Variants in GRB10 observed in about 807,000 individuals in gnomAD.
The protein encoded by GRB10 is growth factor receptor bound protein 10, also known as growth factor receptor-bound protein 10.
Under a neutral mutation model 80.9 loss-of-function variants are expected in GRB10, and 20 were observed. The observed-to-expected ratio is 0.25, with a 90% CI of 0.17 to 0.36. The LOEUF is 0.36. GRB10 is among the 10% of genes least tolerant of loss of function. GRB10 has a pLI of 1.00. For missense variants in GRB10, 548 were observed against 747.7 expected (o/e 0.73, Z 3.12); for synonymous variants, 291 against 291.5 (o/e 1.00, Z 0.02).
intron 4 of GRB10, among the ~76,000 whole-genome samples, chr7:50,726,388 ACT>A (rs543686284): frequency 1.2e-3 from 181 of 152,060 alleles, no homozygotes; most frequent in Non-Finnish European, 2.2e-3. Context: ...ACAGAGTGAG[ACT>A]CTGTCTCAAA....
intron 4 of GRB10, chr7:50,705,325 T>C (rs374020021): frequency 3.0e-6 from 3 of 984,576 alleles, no homozygotes. Flanking sequence ...CCAGAATATC[T>C]GGAGAAAACA....
chr7:50,677,165 A>G (rs1238890462), intron 5 of GRB10, among the ~76,000 whole-genome samples: 1 of 152,156 alleles, frequency 6.6e-6, no homozygotes, highest in African/African-American at 2.4e-5. Context: ...AAGAAGAGAG[A>G]TGTTGCCATG....
intron 2 of GRB10, among the ~76,000 whole-genome samples, chr7:50,757,306 T>C (rs919088684): frequency 1.2e-4 from 18 of 152,238 alleles, no homozygotes; most frequent in African/African-American, 4.3e-4. Context: ...TAGGATTAAA[T>C]GAGCTAATGC....
intron 5 of GRB10, among the ~76,000 whole-genome samples, chr7:50,676,308 T>C (rs952387581): frequency 1.4e-4 from 19 of 133,762 alleles, no homozygotes; most frequent in Admixed American, 1.2e-3. Flanking sequence ...AACTCTAACA[T>C]GAGCTTAGCA....
At chr7:50,609,674 G>A (rs1035496190) in intron 13 of GRB10, among the ~76,000 whole-genome samples, 1 of 152,170 alleles carries the variant, frequency 6.6e-6, no homozygotes, top group Non-Finnish European at 1.5e-5. Flanking sequence ...CCTCCCTCTT[G>A]GGGATGAGTT....
rs537527591 is a variant in GRB10 at position 50,605,521 on chromosome 7, T to C, written c.1273-115A>G. 6.0e-5 allele frequency: 53 copies of C among 879,204 alleles called. No homozygotes were observed. The South Asian group carries it at 6.2e-4, about 10-fold the overall frequency. The allele number at this position is 879,204 out of a possible 1,614,324, so 54.5% of individuals were successfully genotyped here. A position where few individuals can be genotyped will look rare whatever the true frequency, so the allele number is the denominator to read the frequency against. On this transcript the variant is annotated intron_variant, in intron 14 of 18. Coordinates refer to ENST00000401949, the MANE Select transcript of GRB10 (RefSeq NM_001350814.2). The stretch of plus-strand genomic sequence containing the variant: ...AGGGGAGCAGGGAATGCCTGCTTTC[T>C]ACCTCTGAACTCCCCAAGTTTCAGG...
chr7:50,629,332 C>T (rs537507341), intron 7 of GRB10, among the ~76,000 whole-genome samples: 9 of 152,272 alleles, frequency 5.9e-5, no homozygotes, highest in African/African-American at 1.9e-4. Context: ...CAGCCATCCC[C>T]CCAAAGGTCT....
At chr7:50,679,316 T>C (rs2061306598) in intron 5 of GRB10, among the ~76,000 whole-genome samples, 1 of 152,174 alleles carries the variant, frequency 6.6e-6, no homozygotes, top group African/African-American at 2.4e-5. Flanking sequence ...CACGAGTAAA[T>C]GTCTTCCATG....
In GRB10 at chr7:50,792,704, C is replaced by A. The variant is rs1160488621; in HGVS notation, c.-294+520G>T. On this transcript the variant is annotated intron_variant, in intron 1 of 16. Transcript: ENST00000335866. ...CGGCTCGGGATTTGGGAGTGTCTGG[C>A]ACCACTGTCCCGGACGCCCGGACGC... 7 of 368,108 alleles carry A rather than the reference C, an allele frequency of 1.9e-5. No individual in the cohort carries two copies. In the East Asian group the frequency reaches 2.7e-4, roughly 14 times the overall value. 22.8% of individuals were successfully genotyped at this position (368,108 alleles called of 1,614,324 possible). A position where few individuals can be genotyped will look rare whatever the true frequency, so the allele number is the denominator to read the frequency against.
chr7:50,592,718 C>G lies in GRB10; in HGVS notation c.*234G>C. The G allele has an allele frequency of 1.8e-6, 1 of 570,126 alleles. No homozygotes were observed. The highest frequency in any genetic ancestry group is 3.2e-6 in the Non-Finnish European group (1 of 316,802). The allele number at this position is 570,126 out of a possible 1,614,324, so 35.3% of individuals were successfully genotyped here. Reference sequence around the variant, plus strand: ...ATTTTCAACTTTCCGCTGGATCTTCCATGCCCTCCCCAATTTGGCCGATGC... The same window carrying G: ...ATTTTCAACTTTCCGCTGGATCTTCGATGCCCTCCCCAATTTGGCCGATGC... On this transcript the variant is annotated 3_prime_UTR_variant, in exon 19 of 19. Transcript: ENST00000401949.
At chr7:50,639,647 T>G (rs1183689169) in intron 7 of GRB10, among the ~76,000 whole-genome samples, 3 of 151,062 alleles carry the variant, frequency 2.0e-5, no homozygotes, top group African/African-American at 7.3e-5. Context: ...CACTCCAGCT[T>G]GGGCGACCAG....
chr7:50,790,643 T>C (rs759562295), intron 1 of GRB10, among the ~76,000 whole-genome samples: 3 of 152,244 alleles, frequency 2.0e-5, no homozygotes, highest in Admixed American at 6.5e-5. Flanking sequence ...TAACCCTAGA[T>C]ACAAGCTCAA....
chr7:50,674,890 T>G (rs747681225), intron 5 of GRB10, among the ~76,000 whole-genome samples: 1 of 152,226 alleles, frequency 6.6e-6, no homozygotes, highest in Non-Finnish European at 1.5e-5. Context: ...CTGGGCTGCA[T>G]TTCTACCTGT....
chr7:50,599,589 C>T (rs1031487493), intron 17 of GRB10, among the ~76,000 whole-genome samples: 2 of 152,198 alleles, frequency 1.3e-5, no homozygotes, highest in African/African-American at 4.8e-5. Flanking sequence ...AAATGACAGC[C>T]TTGGAGACGA....
In GRB10 at chr7:50,616,854, T is replaced by C. The variant is rs1424043511; in HGVS notation, c.847-507A>G. 3.3e-5 allele frequency among the ~76,000 whole-genome samples: 5 copies of C among 152,230 alleles called. No homozygotes were observed. The East Asian group carries it at 9.6e-4, about 29-fold the overall frequency. On this transcript the variant is annotated intron_variant, in intron 10 of 18. Coordinates refer to ENST00000401949, the MANE Select transcript of GRB10 (RefSeq NM_001350814.2). Reference sequence around the variant, plus strand: ...CAGGCAGCCTTAAGAATAAAGGCTTTATCAAAACAAAACAAAACAAGAAAC... The same window carrying C: ...CAGGCAGCCTTAAGAATAAAGGCTTCATCAAAACAAAACAAAACAAGAAAC...
chr7:50,746,357 G>A (rs544716470), intron 3 of GRB10, among the ~76,000 whole-genome samples: 6 of 152,252 alleles, frequency 3.9e-5, no homozygotes, highest in African/African-American at 1.2e-4. Flanking sequence ...ACCATGTACC[G>A]TGTTGCCAGC....
intron 6 of GRB10, 60 bp downstream of exon 6, chr7:50,674,376 G>A (rs2060677865): frequency 6.6e-7 from 1 of 1,505,276 alleles, no homozygotes; most frequent in Non-Finnish European, 9.1e-7. Context: ...ACAGAGAGCA[G>A]TGTCCCTGCC....
intron 5 of GRB10, among the ~76,000 whole-genome samples, chr7:50,684,589 C>T (rs540112879): frequency 7.0e-6 from 1 of 142,844 alleles, no homozygotes; most frequent in African/African-American, 2.9e-5. Flanking sequence ...CTATACAACA[C>T]AGGAAAACAA....
intron 16 of GRB10, 93 bp from the exon 17 acceptor site, chr7:50,604,178 CCT>C (rs1487053808): frequency 2.3e-5 from 30 of 1,301,184 alleles, no homozygotes; most frequent in African/African-American, 2.2e-4. Flanking sequence ...ACTCAGAGCC[CCT>C]GACTCCCCCA....
Sources: gnomAD v4.1 joint callset for allele counts (sites outside exome capture counted in the v4.1 genomes callset) on GRCh38, gnomAD v4.1.1 for gene constraint, MANE v1.5 for transcripts, NCBI Gene and HGNC (gene_info 2026-07-23, HGNC 2026-07-21) for gene names.